Variants in PLEKHM3 observed in about 807,000 individuals in gnomAD.
PLEKHM3 encodes the protein pleckstrin homology domain containing M3.
PLEKHM3 carries 45 observed loss-of-function variants against 81.8 expected under a neutral mutation model. That is an observed-to-expected ratio of 0.55 (90% CI 0.43 to 0.71). The LOEUF (loss-of-function observed/expected upper bound fraction) is 0.71, where lower values mean the gene tolerates loss of function less well. Ranked by LOEUF, PLEKHM3 falls within the 30% of genes least tolerant of loss-of-function variation. PLEKHM3 has a pLI of 0.00. For missense variants in PLEKHM3, 788 were observed against 924.3 expected, an observed-to-expected ratio of 0.85 and a Z score of 1.91; for synonymous variants, 352 against 356.4, an observed-to-expected ratio of 0.99 and a Z score of 0.14.
intron 3 of PLEKHM3, among the ~76,000 whole-genome samples, chr2:207,956,041 T>C (rs978498353): frequency 6.6e-6 from 1 of 152,072 alleles, no homozygotes; most frequent in Admixed American, 6.5e-5. Flanking sequence ...GGAACGTTCA[T>C]TCATAAAGGC....
chr2:207,966,496 T>G (rs1002244268), intron 3 of PLEKHM3, among the ~76,000 whole-genome samples: 2 of 152,242 alleles, frequency 1.3e-5, no homozygotes, highest in Admixed American at 6.5e-5. Context: ...GTTACATTGA[T>G]TTGCATGCTA....
intron 5 of PLEKHM3, among the ~76,000 whole-genome samples, chr2:207,909,048 C>T (rs866592620): frequency 1.3e-5 from 2 of 152,158 alleles, no homozygotes; most frequent in Non-Finnish European, 1.5e-5. Context: ...ACTGGAGTGG[C>T]CACTCGTGTC....
chr2:207,899,070 G>C (rs1019309617), intron 6 of PLEKHM3, among the ~76,000 whole-genome samples: 2 of 152,168 alleles, frequency 1.3e-5, no homozygotes, highest in Admixed American at 1.3e-4. Context: ...TTGAAAAGCT[G>C]CAAGTTCCAA....
chr2:207,906,106 G>C (rs1242084310), intron 6 of PLEKHM3, among the ~76,000 whole-genome samples: 1 of 152,178 alleles, frequency 6.6e-6, no homozygotes, highest in Non-Finnish European at 1.5e-5. Context: ...CCCTCAAAGA[G>C]TACTCACTTT....
chr2:207,916,508 G>A (rs1031642284), intron 5 of PLEKHM3, among the ~76,000 whole-genome samples: 11 of 152,122 alleles, frequency 7.2e-5, no homozygotes, highest in Admixed American at 3.9e-4. Context: ...GGGAGGCCGA[G>A]GTAGATAGAT....
rs1224082962 is a variant in PLEKHM3, at chr2:207,828,363, C to G, written c.2242G>C (p.Glu748Gln). 4 of 1,614,034 alleles carry G rather than the reference C, an allele frequency of 2.5e-6. No individual in the cohort carries two copies. Among genetic ancestry groups the G allele is most frequent in the South Asian group, 1.1e-5 (1 of 91,054 alleles). The change falls in exon 8 of 8, where the codon GAG (glutamate) becomes CAG (glutamine). Residue 748 changes from glutamate to glutamine, a missense_variant. By Grantham distance (29) the Glu-to-Gln change is conservative. Coordinates refer to ENST00000427836, the MANE Select transcript of PLEKHM3 (RefSeq NM_001080475.3). ...AGCTCGAACATGGTGCAAGCCTCCTCTAGACTCTCGTCCATGTTCAGTCTC... is the reference window on the plus strand; with the variant it reads ...AGCTCGAACATGGTGCAAGCCTCCTGTAGACTCTCGTCCATGTTCAGTCTC... ...WQRLNMDESL[E>Q]EACTMFELSY...
chr2:207,850,393 A>G (rs1216138511), intron 7 of PLEKHM3, among the ~76,000 whole-genome samples: 1 of 152,222 alleles, frequency 6.6e-6, no homozygotes, highest in Non-Finnish European at 1.5e-5. Flanking sequence ...TTTAAGTACA[A>G]TGTTCTTCAT....
chr2:207,958,632 G>C (rs956039669), intron 3 of PLEKHM3, among the ~76,000 whole-genome samples: 2 of 152,178 alleles, frequency 1.3e-5, no homozygotes, highest in African/African-American at 4.8e-5. Context: ...ACTCTTGACT[G>C]GATGTGGTGG....
chr2:207,967,777 T>C (rs1054560908), intron 3 of PLEKHM3, among the ~76,000 whole-genome samples: 1 of 152,294 alleles, frequency 6.6e-6, no homozygotes, highest in East Asian at 1.9e-4. Context: ...CAATTTATTC[T>C]CACTACAAAC....
chr2:207,971,967 C>T (rs11893252), intron 3 of PLEKHM3, among the ~76,000 whole-genome samples: 72 of 152,316 alleles, frequency 4.7e-4, no homozygotes, highest in African/African-American at 1.7e-3. Context: ...CATAGTTCTA[C>T]CTGGCACCAT....
chr2:207,987,654 G>A (rs1691773224), intron 2 of PLEKHM3, among the ~76,000 whole-genome samples: 1 of 152,132 alleles, frequency 6.6e-6, no homozygotes, highest in Admixed American at 6.5e-5. Context: ...TGACTCTAGA[G>A]ACAAATTCTG....
In PLEKHM3 at chr2:207,918,611, G is replaced by A. The variant is rs75316932; in HGVS notation, c.1887-10034C>T. ...GGAAAGATCATCTGCAGAGGAAAAG[G>A]TCTGGGAGGATATGCATCAAAGTGG... On this transcript the variant is annotated intron_variant, in intron 5 of 7. Transcript: ENST00000427836. Among the ~76,000 whole-genome samples, 668 of 152,256 alleles carry A rather than the reference G, an allele frequency of 4.4e-3. 5 individuals carry two copies. The highest frequency in any genetic ancestry group is 0.015 in the African/African-American group (636 of 41,544).
At chr2:207,959,457 A>G (rs1323422535) in intron 3 of PLEKHM3, among the ~76,000 whole-genome samples, 2 of 152,086 alleles carry the variant, frequency 1.3e-5, no homozygotes, top group African/African-American at 2.4e-5. Flanking sequence ...TGGAACTAAC[A>G]TTTTCTCCCA....
rs150271997 is a variant in PLEKHM3 at position 207,872,666 on chromosome 2, C to T, written c.1951-11404G>A. Among the ~76,000 whole-genome samples the T allele has an allele frequency of 4.7e-3, 719 of 152,212 alleles. 6 individuals carry two copies. Among genetic ancestry groups the T allele is most frequent in the African/African-American group, 0.016 (679 of 41,534 alleles). On this transcript the variant is annotated intron_variant, in intron 6 of 7. Transcript: ENST00000427836. Reference sequence around the variant, plus strand: ...CAGCCTGGCCAACATGGCGAAACCCCGTCTCTACTAAAATTACAAAAAAAT... The same window carrying T: ...CAGCCTGGCCAACATGGCGAAACCCTGTCTCTACTAAAATTACAAAAAAAT...
chr2:207,881,311 C>T (rs1205002476), intron 6 of PLEKHM3, among the ~76,000 whole-genome samples: 1 of 152,174 alleles, frequency 6.6e-6, no homozygotes, highest in Admixed American at 6.5e-5. Flanking sequence ...TAAACCTATA[C>T]ATTCACAGAA....
At chr2:208,017,121 T>C (rs1472085194) in intron 1 of PLEKHM3, among the ~76,000 whole-genome samples, 1 of 152,242 alleles carries the variant, frequency 6.6e-6, no homozygotes, top group African/African-American at 2.4e-5. Context: ...GGAATTTTTT[T>C]TTCCTAATAT....
chr2:207,930,401 A>T (rs1689550072), intron 5 of PLEKHM3, among the ~76,000 whole-genome samples: 1 of 152,124 alleles, frequency 6.6e-6, no homozygotes, highest in African/African-American at 2.4e-5. Flanking sequence ...TGGGCAACAG[A>T]ATGAGTCTCT....
chr2:207,847,935 T>C lies in PLEKHM3; in HGVS notation c.2108+13170A>G, dbSNP rs536843393. Among the ~76,000 whole-genome samples, 29 of 152,320 alleles carry C rather than the reference T, an allele frequency of 1.9e-4. 1 individual carries two copies. In the South Asian group the frequency reaches 6.0e-3, roughly 32 times the overall value. On this transcript the variant is annotated intron_variant, in intron 7 of 7. Transcript: ENST00000427836. ...TGTTGTTCTCTATTGTTGAACAGGA[T>C]GTAACAAGACTGCCAAGCGCAGCCC... is the stretch of plus-strand genomic sequence containing the variant.
chr2:208,007,039 T>C (rs1006913297), intron 1 of PLEKHM3, among the ~76,000 whole-genome samples: 2 of 152,174 alleles, frequency 1.3e-5, no homozygotes, highest in African/African-American at 2.4e-5. Flanking sequence ...CACACAGAGA[T>C]GCTGTGTCCT....
Sources: allele counts gnomAD v4.1 joint callset (sites outside exome capture counted in the v4.1 genomes callset), GRCh38; gene constraint gnomAD v4.1.1; transcripts MANE v1.5; gene names NCBI Gene and HGNC (gene_info 2026-07-23, HGNC 2026-07-21).